Variants in SPON1 observed in about 807,000 individuals in gnomAD.
SPON1 encodes the protein spondin 1, also known as spondin-1.
A neutral mutation model predicts 111.7 loss-of-function variants in SPON1; 52 were observed. The ratio of observed to expected loss-of-function variants is 0.47; its 90% CI spans 0.37 to 0.59. The LOEUF is 0.59. SPON1 is among the 20% of genes least tolerant of loss of function. The pLI is 0.00. For synonymous variants in SPON1, 410 were observed against 395.8 expected (o/e 1.04, Z -0.43); for missense variants, 957 against 1,068.5 (o/e 0.90, Z 1.46).
At chr11:14,137,283 C>T (rs1181810620) in intron 6 of SPON1, among the ~76,000 whole-genome samples, 1 of 152,128 alleles carries the variant, frequency 6.6e-6, no homozygotes, top group Non-Finnish European at 1.5e-5. Context: ...CCTCAGAATC[C>T]CTCTTAGGAA....
At chr11:14,252,944 G>C (rs1849067399) in intron 7 of SPON1, among the ~76,000 whole-genome samples, 1 of 152,244 alleles carries the variant, frequency 6.6e-6, no homozygotes, top group African/African-American at 2.4e-5. Flanking sequence ...CCTAGAGGTT[G>C]CTGATGCTGC....
At chr11:14,118,492 G>T (rs1198414085) in intron 5 of SPON1, among the ~76,000 whole-genome samples, 1 of 152,192 alleles carries the variant, frequency 6.6e-6, no homozygotes, top group Non-Finnish European at 1.5e-5. Flanking sequence ...TATGTTCTTT[G>T]TGTCTGAGAT....
At chr11:14,223,041 C>A (rs1277738351) in intron 6 of SPON1, among the ~76,000 whole-genome samples, 3 of 152,196 alleles carry the variant, frequency 2.0e-5, no homozygotes, top group Non-Finnish European at 1.5e-5. Context: ...AGGTTGTCTC[C>A]ATTTTTTAAA....
chr11:13,971,010 A>G (rs781939211), intron 1 of SPON1, among the ~76,000 whole-genome samples: 4 of 152,190 alleles, frequency 2.6e-5, no homozygotes, highest in Non-Finnish European at 5.9e-5. Flanking sequence ...AAAATAAAGT[A>G]TCATTGAAGC....
At position 14,235,678 on chromosome 11, in the gene SPON1, C is replaced by CAAAAAA. The variant is rs56925967; in HGVS notation, c.826-7630_826-7625dup. 8.3e-4 allele frequency among the ~76,000 whole-genome samples: 59 copies of CAAAAAA among 71,388 alleles called. 1 individual carries two copies. The highest frequency in any genetic ancestry group is 2.9e-3 in the African/African-American group (52 of 17,964). 46.8% of individuals were successfully genotyped at this position (71,388 alleles called of 152,430 possible). On this transcript the variant is annotated intron_variant, in intron 6 of 15. Coordinates refer to ENST00000576479, the MANE Select transcript of SPON1 (RefSeq NM_006108.4). ...TAGGCAACAGAGAAAGACCCTGCCT[C>CAAAAAA]AAAAAAAAAAAAAAAAAAAAAAAAA... is the stretch of plus-strand genomic sequence containing the variant.
intron 5 of SPON1, among the ~76,000 whole-genome samples, chr11:14,126,625 G>A (rs1554927026): frequency 6.6e-6 from 1 of 152,156 alleles, no homozygotes; most frequent in African/African-American, 2.4e-5. Context: ...GCTGGAACCA[G>A]TGAGGGACAT....
At chr11:14,245,590 T>C (rs906009601) in intron 7 of SPON1, among the ~76,000 whole-genome samples, 6 of 152,104 alleles carry the variant, frequency 3.9e-5, no homozygotes, top group African/African-American at 1.4e-4. Flanking sequence ...CTGGAAGGTG[T>C]TCCTTGTGCT....
At chr11:14,091,479 AG>A (rs1448868010) in intron 5 of SPON1, among the ~76,000 whole-genome samples, 1 of 152,168 alleles carries the variant, frequency 6.6e-6, no homozygotes, top group Admixed American at 6.5e-5. Flanking sequence ...CCCCGCGGGA[AG>A]GCAGCTCAGG....
chr11:14,025,278 C>A (rs1434549222), intron 2 of SPON1, among the ~76,000 whole-genome samples: 2 of 152,168 alleles, frequency 1.3e-5, no homozygotes, highest in Non-Finnish European at 2.9e-5. Flanking sequence ...CTTCATGAAT[C>A]GATTTCCTCT....
intron 6 of SPON1, among the ~76,000 whole-genome samples, chr11:14,217,157 A>G (rs868959216): frequency 6.6e-6 from 1 of 152,164 alleles, no homozygotes; most frequent in Non-Finnish European, 1.5e-5. Flanking sequence ...AGCAGATCAG[A>G]TGGTTGTCTT....
In SPON1 at chr11:14,064,770, G is replaced by A. The variant is rs536431670; in HGVS notation, c.480-10575G>A. On this transcript the variant is annotated intron_variant, in intron 3 of 15. Coordinates refer to ENST00000576479, the MANE Select transcript of SPON1 (RefSeq NM_006108.4). ...CCCCTGGCAGAGCATAGGTAAATGGGATGGGTTGGCAAGGACAGGAGACCA... is the reference window on the plus strand; with the variant it reads ...CCCCTGGCAGAGCATAGGTAAATGGAATGGGTTGGCAAGGACAGGAGACCA... Among the ~76,000 whole-genome samples the A allele has an allele frequency of 5.9e-5, 9 of 152,216 alleles. No homozygotes were observed. The South Asian group carries it at 1.7e-3, about 28-fold the overall frequency.
At chr11:14,226,489 C>T (rs1439604786) in intron 6 of SPON1, among the ~76,000 whole-genome samples, 1 of 152,190 alleles carries the variant, frequency 6.6e-6, no homozygotes, top group Non-Finnish European at 1.5e-5. Context: ...TTCACTGTTG[C>T]TGTCCAGCAC....
At chr11:14,069,192 T>C (rs1363313746) in intron 3 of SPON1, among the ~76,000 whole-genome samples, 1 of 152,108 alleles carries the variant, frequency 6.6e-6, no homozygotes, top group Non-Finnish European at 1.5e-5. Flanking sequence ...TTCCCTTACC[T>C]CCCTCTATCT....
Position 14,051,535 on chromosome 11 carries a change from C to CAA in SPON1, c.479+9894_479+9895dup, listed in dbSNP as rs111822968. Among the ~76,000 whole-genome samples, 196 of 130,556 alleles carry CAA rather than the reference C, an allele frequency of 1.5e-3. 1 individual carries two copies. The East Asian group carries it at 0.024, about 16-fold the overall frequency. The allele number at this position is 130,556 out of a possible 152,430, so 85.6% of individuals were successfully genotyped here. On this transcript the variant is annotated intron_variant, in intron 3 of 15. Coordinates refer to ENST00000576479, the MANE Select transcript of SPON1 (RefSeq NM_006108.4). ...TGGGAGACATAGTGAGAGCCTGTCT[C>CAA]AAAAAAAAAAAAAAGAGAGACAGGG...
rs2133910264 is a variant in SPON1, at chr11:14,228,162, T to C, written c.826-15170T>C. ...CGATGCAATGCTGACCCTCGTAGCC[T>C]GGGTCCTTCCGAGTTTGGTATGCAT... On this transcript the variant is annotated intron_variant, in intron 6 of 15. Transcript: ENST00000576479. The surrounding 1 kb of genome is among the most constrained non-coding windows in gnomAD (Gnocchi z 4.2). Among the ~76,000 whole-genome samples, 1 of 152,348 alleles carries C rather than the reference T, an allele frequency of 6.6e-6. No homozygotes were observed. The highest frequency in any genetic ancestry group is 2.1e-4 in the South Asian group (1 of 4,830).
At chr11:14,085,197 T>C (rs542982163) in intron 5 of SPON1, among the ~76,000 whole-genome samples, 1 of 152,330 alleles carries the variant, frequency 6.6e-6, no homozygotes, top group South Asian at 2.1e-4. Flanking sequence ...GCTTTTGGTG[T>C]TGTAGTCATG....
chr11:14,001,060 C>G (rs1301505096), intron 2 of SPON1, among the ~76,000 whole-genome samples: 1 of 152,166 alleles, frequency 6.6e-6, no homozygotes, highest in African/African-American at 2.4e-5. Context: ...ACTCTAATTA[C>G]TTCCATCAGA....
chr11:14,123,196 G>A (rs940717444), intron 5 of SPON1, among the ~76,000 whole-genome samples: 6 of 151,978 alleles, frequency 3.9e-5, no homozygotes, highest in Admixed American at 1.3e-4. Flanking sequence ...GCCTCCCAAA[G>A]TGCTGGGATT....
At chr11:14,030,788 G>A (rs781838109) in intron 2 of SPON1, among the ~76,000 whole-genome samples, 5 of 152,210 alleles carry the variant, frequency 3.3e-5, no homozygotes, top group Non-Finnish European at 5.9e-5. Flanking sequence ...ACTGTGGAAA[G>A]CAGTTTGGAG....
Sources: allele counts gnomAD v4.1 joint callset (sites outside exome capture counted in the v4.1 genomes callset), GRCh38; gene constraint gnomAD v4.1.1; non-coding constraint Gnocchi (gnomAD v3.1); transcripts MANE v1.5; gene names NCBI Gene and HGNC (gene_info 2026-07-23, HGNC 2026-07-21).